CEP112: variants seen among roughly 807,000 people sequenced by gnomAD.
The protein encoded by CEP112 is centrosomal protein 112, also known as centrosomal protein of 112 kDa.
A neutral mutation model predicts 153.0 loss-of-function variants in CEP112; 127 were observed. The observed-to-expected ratio is 0.83, with a 90% CI of 0.72 to 0.96. The LOEUF (loss-of-function observed/expected upper bound fraction) is 0.96, where lower values mean the gene tolerates loss of function less well. Among genes scored for constraint, CEP112 ranks in the 40% least tolerant of loss-of-function variants. The probability of loss-of-function intolerance (pLI) is 0.00; values close to 1 mark genes in which losing one functional copy is unlikely to be tolerated. For synonymous variants in CEP112, 358 were observed against 374.4 expected, an observed-to-expected ratio of 0.96 and a Z score of 0.51; for missense variants, 1,089 against 1,101.2, an observed-to-expected ratio of 0.99 and a Z score of 0.16.
chr17:65,772,377 A>G (rs1454623703), intron 21 of CEP112, among the ~76,000 whole-genome samples: 1 of 152,192 alleles, frequency 6.6e-6, no homozygotes, highest in East Asian at 1.9e-4. Flanking sequence ...GAAAAAGAAG[A>G]CACAAATTAC....
At chr17:65,896,241 C>T (rs748412749) in intron 20 of CEP112, among the ~76,000 whole-genome samples, 29 of 151,996 alleles carry the variant, frequency 1.9e-4, no homozygotes, top group Admixed American at 4.6e-4. Context: ...ACAAATGGAT[C>T]ATTCTTAGAG....
chr17:65,750,923 T>C (rs567592160), intron 21 of CEP112, 199 bp from the exon 22 acceptor site: 208 of 515,118 alleles, frequency 4.0e-4, no homozygotes, highest in Non-Finnish European at 6.5e-4. Context: ...AGATCTCTTC[T>C]GCCAATTATT....
At chr17:65,659,633 C>G (rs1224435395) in intron 24 of CEP112, among the ~76,000 whole-genome samples, 1 of 152,204 alleles carries the variant, frequency 6.6e-6, no homozygotes, top group Non-Finnish European at 1.5e-5. Context: ...AACACTGACT[C>G]CATTCAGGAG....
At chr17:65,837,214 C>T (rs1568093849) in intron 21 of CEP112, among the ~76,000 whole-genome samples, 1 of 152,174 alleles carries the variant, frequency 6.6e-6, no homozygotes, top group South Asian at 2.1e-4. Context: ...CAGCCTCTGC[C>T]CGGCCGCCAC....
At position 65,635,643 on chromosome 17, in the gene CEP112, C is replaced by T. The variant is rs188016170; in HGVS notation, c.*328G>A. On this transcript the variant is annotated 3_prime_UTR_variant, in exon 27 of 27. Transcript: ENST00000535342. ...TACTACAAACGTGATTTTGATCGTA[C>T]GCAACTGGTAAAATTCTATGCAAAA... 6 of 366,040 alleles carry T rather than the reference C, an allele frequency of 1.6e-5. No homozygotes were observed. The highest frequency in any genetic ancestry group is 4.6e-5 in the Admixed American group (1 of 21,938). 22.7% of individuals were successfully genotyped at this position (366,040 alleles called of 1,614,324 possible).
intron 6 of CEP112, among the ~76,000 whole-genome samples, chr17:66,098,197 T>C (rs962229279): frequency 3.3e-5 from 5 of 152,210 alleles, no homozygotes; most frequent in African/African-American, 9.6e-5. Flanking sequence ...TCACTATCCT[T>C]CTTCTGTCCA....
At chr17:65,913,507 G>T in intron 19 of CEP112, 5 of 985,336 alleles carry the variant, frequency 5.1e-6, no homozygotes, top group Non-Finnish European at 6.0e-6. Context: ...CAGGCAGTGT[G>T]TCAAGAACAG....
chr17:66,089,290 C>A (rs185183026), intron 8 of CEP112, among the ~76,000 whole-genome samples: 52 of 152,276 alleles, frequency 3.4e-4, no homozygotes, highest in African/African-American at 1.1e-3. Flanking sequence ...ACATAAAAAA[C>A]CAAGGAGACA....
chr17:65,715,896 T>C (rs1024028600), intron 23 of CEP112, among the ~76,000 whole-genome samples: 4 of 152,154 alleles, frequency 2.6e-5, no homozygotes, highest in South Asian at 2.1e-4. Context: ...CACATAACAA[T>C]GATCACAAGA....
chr17:66,015,265 T>C (rs1598112632), intron 16 of CEP112, among the ~76,000 whole-genome samples: 3 of 152,222 alleles, frequency 2.0e-5, no homozygotes, highest in Admixed American at 2.0e-4. Context: ...TAACTTCACA[T>C]ACCTTCTTTT....
At chr17:65,764,135 A>G (rs1393213703) in intron 21 of CEP112, among the ~76,000 whole-genome samples, 1 of 152,094 alleles carries the variant, frequency 6.6e-6, no homozygotes, top group South Asian at 2.1e-4. Flanking sequence ...ATAGAAGGCT[A>G]GAGTTGGCTG....
intron 23 of CEP112, among the ~76,000 whole-genome samples, chr17:65,699,492 C>T (rs1176400883): frequency 6.6e-6 from 1 of 152,148 alleles, no homozygotes; most frequent in African/African-American, 2.4e-5. Flanking sequence ...CTATCAGTGC[C>T]CTTTTTTCAC....
intron 12 of CEP112, among the ~76,000 whole-genome samples, chr17:66,042,227 G>A (rs914405383): frequency 6.6e-6 from 1 of 152,146 alleles, no homozygotes; most frequent in Non-Finnish European, 1.5e-5. Context: ...GCACACACCT[G>A]TAATCCTAGC....
chr17:66,120,223 T>C (rs1420924977), intron 6 of CEP112, among the ~76,000 whole-genome samples: 2 of 152,090 alleles, frequency 1.3e-5, no homozygotes, highest in African/African-American at 4.8e-5. Flanking sequence ...GTTTTTGAGA[T>C]GGAGTCTCAC....
intron 8 of CEP112, among the ~76,000 whole-genome samples, chr17:66,095,339 TA>T (rs1284813924): frequency 6.6e-6 from 1 of 152,022 alleles, no homozygotes; most frequent in Non-Finnish European, 1.5e-5. Context: ...ATTCAGTTTT[TA>T]AAAAGAAGGA....
At chr17:65,969,420 TATTACATGTAC>T (rs1262263890) in intron 17 of CEP112, among the ~76,000 whole-genome samples, 1 of 152,182 alleles carries the variant, frequency 6.6e-6, no homozygotes, top group African/African-American at 2.4e-5. Context: ...CATACAAGCA[TATTACATGTAC>T]ATTACATGCA....
At chr17:65,976,006 C>T (rs2063020400) in intron 17 of CEP112, among the ~76,000 whole-genome samples, 1 of 152,218 alleles carries the variant, frequency 6.6e-6, no homozygotes, top group Non-Finnish European at 1.5e-5. Flanking sequence ...CCCGACTTCC[C>T]TAATTTGACC....
At chr17:65,901,405 T>C (rs1568195202) in intron 20 of CEP112, among the ~76,000 whole-genome samples, 1 of 152,246 alleles carries the variant, frequency 6.6e-6, no homozygotes, top group African/African-American at 2.4e-5. Context: ...CTTGATTATA[T>C]ATACTCTACA....
intron 6 of CEP112, among the ~76,000 whole-genome samples, chr17:66,097,423 A>C (rs755004750): frequency 3.3e-5 from 5 of 152,176 alleles, no homozygotes; most frequent in African/African-American, 4.8e-5. Context: ...GGACTCTGAA[A>C]GCAGAGACCA....
Sources: allele counts gnomAD v4.1 joint callset (sites outside exome capture counted in the v4.1 genomes callset), GRCh38; gene constraint gnomAD v4.1.1; transcripts MANE v1.5; gene names NCBI Gene and HGNC (gene_info 2026-07-23, HGNC 2026-07-21).